The following PKN2 variants were observed in gnomAD, a reference collection of about 807,000 sequenced individuals.
PKN2 encodes the protein serine/threonine-protein kinase N2.
Under a neutral mutation model 119.1 loss-of-function variants are expected in PKN2, and 38 were observed. The ratio of observed to expected loss-of-function variants is 0.32; its 90% CI spans 0.25 to 0.42. The LOEUF (loss-of-function observed/expected upper bound fraction) is 0.42, where lower values mean the gene tolerates loss of function less well. Among genes scored for constraint, PKN2 ranks in the 10% least tolerant of loss-of-function variants. The probability of loss-of-function intolerance (pLI) is 1.00; values close to 1 mark genes in which losing one functional copy is unlikely to be tolerated. For missense variants in PKN2, 850 were observed against 1,165.1 expected (o/e 0.73, Z 3.94); for synonymous variants, 390 against 384.9 (o/e 1.01, Z -0.15).
intron 1 of PKN2, among the ~76,000 whole-genome samples, chr1:88,713,057 G>C (rs1234643812): frequency 2.0e-5 from 3 of 152,130 alleles, no homozygotes; most frequent in African/African-American, 7.2e-5. Context: ...AGTTTGCTCA[G>C]AATGATGGTT....
chr1:88,702,875 G>T (rs1274268470), intron 1 of PKN2, among the ~76,000 whole-genome samples: 1 of 152,140 alleles, frequency 6.6e-6, no homozygotes. Context: ...TCTGTTCCTT[G>T]CTTAAAGAGG....
At chr1:88,729,221 T>G (rs1186136133) in intron 1 of PKN2, among the ~76,000 whole-genome samples, 1 of 152,224 alleles carries the variant, frequency 6.6e-6, no homozygotes, top group Non-Finnish European at 1.5e-5. Flanking sequence ...AATTAAATTG[T>G]TACAGTTGTT....
At chr1:88,734,467 T>A (rs12134910) in intron 1 of PKN2, among the ~76,000 whole-genome samples, 209 of 152,332 alleles carry the variant, frequency 1.4e-3, no homozygotes, top group Non-Finnish European at 2.5e-3. Context: ...CTTTTCCCAT[T>A]GAGTGTACTT....
At chr1:88,726,557 G>A (rs1438518721) in intron 1 of PKN2, among the ~76,000 whole-genome samples, 3 of 151,810 alleles carry the variant, frequency 2.0e-5, no homozygotes, top group African/African-American at 2.4e-5. Context: ...CTTTTTCTTC[G>A]GTACTATATT....
At chr1:88,829,179 G>A in intron 19 of PKN2, 1 of 739,594 alleles carries the variant, frequency 1.4e-6, no homozygotes, top group East Asian at 2.5e-5. Flanking sequence ...ATCATCCGAT[G>A]GCCATGAATT....
At chr1:88,774,110 C>T (rs908360178) in intron 6 of PKN2, among the ~76,000 whole-genome samples, 2 of 151,958 alleles carry the variant, frequency 1.3e-5, no homozygotes, top group Admixed American at 6.6e-5. Flanking sequence ...CTCACTGCAG[C>T]GAAAAGAAAA....
intron 1 of PKN2, among the ~76,000 whole-genome samples, chr1:88,710,243 A>C (rs181545000): frequency 2.6e-5 from 4 of 152,310 alleles, no homozygotes; most frequent in African/African-American, 9.6e-5. Context: ...AGGAATGATA[A>C]GTTTAAAGAA....
At chr1:88,783,471 T>A (rs1023599378) in intron 6 of PKN2, among the ~76,000 whole-genome samples, 9 of 152,226 alleles carry the variant, frequency 5.9e-5, no homozygotes, top group African/African-American at 2.2e-4. Flanking sequence ...ATATTTTGTC[T>A]GATTTTCTTT....
At position 88,807,693 on chromosome 1, in the gene PKN2, G is replaced by A; in HGVS notation, c.2020G>A (p.Ala674Thr). The change falls in exon 15 of 22, where the codon GCT becomes ACT. Residue 674 changes from alanine to threonine, a missense_variant. Ala to Thr is a moderately conservative substitution (Grantham distance 58, BLOSUM62 0). Around this residue, in one of 9 missense-constraint regions of PKN2, gnomAD observed 216 missense variants for 252.8 expected, o/e 0.85. Coordinates refer to ENST00000370521, the MANE Select transcript of PKN2 (RefSeq NM_006256.4). The stretch of plus-strand genomic sequence containing the variant: ...TTTAATTTTATTTCAGGTGCTTTTA[G>A]CTGAATATAAAAACACAAATGAGAT... ...GRGHFGKVLL[A>T]EYKNTNEMFA... The A allele has an allele frequency of 1.3e-6, 2 of 1,590,980 alleles. No individual in the cohort carries two copies. Among genetic ancestry groups the A allele is most frequent in the Non-Finnish European group, 8.6e-7 (1 of 1,165,808 alleles).
chr1:88,725,978 G>A (rs1667883201), intron 1 of PKN2, among the ~76,000 whole-genome samples: 1 of 152,084 alleles, frequency 6.6e-6, no homozygotes, highest in Admixed American at 6.5e-5. Context: ...AACTGGTATT[G>A]TGTTTTTAAC....
At chr1:88,701,760 A>C (rs1666777638) in intron 1 of PKN2, among the ~76,000 whole-genome samples, 9 of 152,154 alleles carry the variant, frequency 5.9e-5, no homozygotes, top group Admixed American at 5.9e-4. Flanking sequence ...AGAAGCATCT[A>C]TTTCATTTAT....
rs996350486 is a variant in PKN2 at position 88,830,066 on chromosome 1, G to C, written c.2562+1443G>C. ...TTAATTTTGCAACAGCCTTTAATAA[G>C]CTCAGTACTGATCTTCTGCCCATTT... On this transcript the variant is annotated intron_variant, in intron 19 of 21. Coordinates refer to ENST00000370521, the MANE Select transcript of PKN2 (RefSeq NM_006256.4). Among the ~76,000 whole-genome samples, 13 of 152,070 alleles carry C rather than the reference G, an allele frequency of 8.5e-5. No homozygotes were observed. In the East Asian group the frequency reaches 2.5e-3, roughly 29 times the overall value.
At chr1:88,747,136 G>T (rs1668802026) in intron 2 of PKN2, among the ~76,000 whole-genome samples, 1 of 152,104 alleles carries the variant, frequency 6.6e-6, no homozygotes, top group Non-Finnish European at 1.5e-5. Context: ...AGAGGAAGTT[G>T]TTGGTCACAG....
chr1:88,821,288 TATG>T (rs1362351331), intron 16 of PKN2, among the ~76,000 whole-genome samples: 1 of 152,232 alleles, frequency 6.6e-6, no homozygotes, highest in Non-Finnish European at 1.5e-5. Flanking sequence ...TCATCTATAA[TATG>T]ATAAAAGCCT....
At chr1:88,774,908 T>G (rs1281524919) in intron 6 of PKN2, among the ~76,000 whole-genome samples, 2 of 148,384 alleles carry the variant, frequency 1.3e-5, no homozygotes, top group East Asian at 3.9e-4. Flanking sequence ...GGCGTCTCAC[T>G]GTGTTGCTCA....
chr1:88,711,100 G>A (rs899474168), intron 1 of PKN2, among the ~76,000 whole-genome samples: 4 of 152,078 alleles, frequency 2.6e-5, no homozygotes, highest in African/African-American at 4.8e-5. Flanking sequence ...ATGAGAACAC[G>A]TGGGCACATA....
intron 19 of PKN2, among the ~76,000 whole-genome samples, chr1:88,830,253 C>T (rs1324750823): frequency 6.6e-6 from 1 of 152,108 alleles, no homozygotes; most frequent in Non-Finnish European, 1.5e-5. Flanking sequence ...TTCATCCAGC[C>T]TTGTTTCTGT....
chr1:88,827,011 A>T (rs1672525981), intron 18 of PKN2, among the ~76,000 whole-genome samples: 1 of 152,102 alleles, frequency 6.6e-6, no homozygotes, highest in African/African-American at 2.4e-5. Context: ...AATGTATCTA[A>T]TTGTGCCCTT....
intron 16 of PKN2, among the ~76,000 whole-genome samples, chr1:88,817,335 G>A (rs1360267820): frequency 1.3e-5 from 2 of 150,866 alleles, no homozygotes; most frequent in Admixed American, 6.6e-5. Flanking sequence ...AAAGGCCTTC[G>A]ACAGGCGGAG....
Sources: gnomAD v4.1 joint callset for allele counts (sites outside exome capture counted in the v4.1 genomes callset) on GRCh38, gnomAD v4.1.1 for gene constraint, gnomAD v4.1.1 regional missense constraint, MANE v1.5 for transcripts, NCBI Gene and HGNC (gene_info 2026-07-23, HGNC 2026-07-21) for gene names.